PDSS2: variants seen among roughly 807,000 people sequenced by gnomAD.
The protein encoded by PDSS2 is decaprenyl diphosphate synthase subunit 2.
In PDSS2, 31 loss-of-function variants were observed where a neutral mutation model predicts 44.5. The observed-to-expected ratio is 0.70, with a 90% CI of 0.52 to 0.94. PDSS2 has a LOEUF of 0.94. Ranked by LOEUF, PDSS2 falls within the 40% of genes least tolerant of loss-of-function variation. PDSS2 has a pLI of 0.00. For missense variants in PDSS2, 452 were observed against 482.2 expected, an observed-to-expected ratio of 0.94 and a Z score of 0.59; for synonymous variants, 157 against 180.3, an observed-to-expected ratio of 0.87 and a Z score of 1.03.
At chr6:107,391,895 T>C (rs982296254) in intron 1 of PDSS2, among the ~76,000 whole-genome samples, 6 of 98,694 alleles carry the variant, frequency 6.1e-5, no homozygotes, top group African/African-American at 1.7e-4. Flanking sequence ...AGTACAAAAA[T>C]AAAAGGGGGG....
intron 1 of PDSS2, among the ~76,000 whole-genome samples, chr6:107,381,391 A>G (rs558372747): frequency 2.6e-4 from 39 of 152,310 alleles, no homozygotes; most frequent in African/African-American, 9.1e-4. Context: ...GCAACAGAAA[A>G]CTGGCTCATC....
intron 1 of PDSS2, among the ~76,000 whole-genome samples, chr6:107,350,663 A>G (rs1252084515): frequency 6.6e-6 from 1 of 152,134 alleles, no homozygotes; most frequent in Admixed American, 6.5e-5. Flanking sequence ...TGTGAAAATT[A>G]GCTGGGCATG....
At chr6:107,186,448 C>CA (rs1451524766) in intron 7 of PDSS2, among the ~76,000 whole-genome samples, 1 of 151,972 alleles carries the variant, frequency 6.6e-6, no homozygotes, top group Admixed American at 6.6e-5. Flanking sequence ...CATAAAGCCA[C>CA]AGAGTGCATG....
intron 1 of PDSS2, among the ~76,000 whole-genome samples, chr6:107,376,696 G>A (rs1228106066): frequency 4.6e-5 from 7 of 151,866 alleles, no homozygotes; most frequent in South Asian, 4.2e-4. Flanking sequence ...CAATCATGTC[G>A]TCTGCAAACA....
intron 1 of PDSS2, among the ~76,000 whole-genome samples, chr6:107,424,681 G>A (rs1780933875): frequency 1.3e-5 from 2 of 152,064 alleles, no homozygotes; most frequent in South Asian, 4.1e-4. Flanking sequence ...TGTGAAAAGA[G>A]AATAAAATGA....
intron 4 of PDSS2, among the ~76,000 whole-genome samples, chr6:107,214,993 G>A (rs1261833663): frequency 6.6e-6 from 1 of 152,134 alleles, no homozygotes; most frequent in Non-Finnish European, 1.5e-5. Context: ...ATGCAACACA[G>A]CATTGGATAA....
chr6:107,320,016 A>G (rs930648425), intron 2 of PDSS2, among the ~76,000 whole-genome samples: 1 of 152,242 alleles, frequency 6.6e-6, no homozygotes, highest in African/African-American at 2.4e-5. Context: ...AAAACAAGTA[A>G]CAAAGAGGAG....
intron 4 of PDSS2, among the ~76,000 whole-genome samples, chr6:107,223,533 TC>T (rs1773688085): frequency 6.6e-6 from 1 of 150,618 alleles, no homozygotes; most frequent in African/African-American, 2.5e-5. Flanking sequence ...AGACTCCATC[TC>T]AAAAAACAAA....
intron 1 of PDSS2, among the ~76,000 whole-genome samples, chr6:107,360,471 C>T (rs1778735895): frequency 6.6e-6 from 1 of 152,152 alleles, no homozygotes; most frequent in African/African-American, 2.4e-5. Flanking sequence ...GGCTTGGGAT[C>T]AAATTTAAAA....
chr6:107,311,195 C>CT (rs35780982), intron 2 of PDSS2, among the ~76,000 whole-genome samples: 71,624 of 128,246 alleles, frequency 0.56, 21,138 homozygotes, highest in Middle Eastern at 0.71. Flanking sequence ...CCACAACCAG[C>CT]TTTTTTTTTT....
chr6:107,320,331 T>C (rs1777343768), intron 2 of PDSS2, among the ~76,000 whole-genome samples: 1 of 152,210 alleles, frequency 6.6e-6, no homozygotes, highest in Non-Finnish European at 1.5e-5. Flanking sequence ...TCCATATTAT[T>C]ACAGGATACA....
In PDSS2 at chr6:107,403,289, C is replaced by A. The variant is rs186052394; in HGVS notation, c.296+55701G>T. 2.6e-5 allele frequency among the ~76,000 whole-genome samples: 4 copies of A among 152,332 alleles called. No homozygotes were observed. The East Asian group carries it at 7.7e-4, about 29-fold the overall frequency. ...GACTCCATGTCTCACATCCAGGTCA[C>A]GCTGATATAAGAGGTAGGCTCCCAC... On this transcript the variant is annotated intron_variant, in intron 1 of 7. Transcript: ENST00000369037.
At chr6:107,437,559 T>C (rs1204190560) in intron 1 of PDSS2, among the ~76,000 whole-genome samples, 2 of 150,238 alleles carry the variant, frequency 1.3e-5, no homozygotes, top group Non-Finnish European at 1.5e-5. Context: ...AAATTTACAG[T>C]CGTGCCTTGT....
chr6:107,357,703 G>A (rs1329088823), intron 1 of PDSS2, among the ~76,000 whole-genome samples: 4 of 151,986 alleles, frequency 2.6e-5, no homozygotes, highest in Admixed American at 1.3e-4. Flanking sequence ...TACTTATTTT[G>A]AAAAACTGAG....
chr6:107,258,431 T>C (rs913307872), intron 3 of PDSS2, among the ~76,000 whole-genome samples: 41 of 151,004 alleles, frequency 2.7e-4, no homozygotes, highest in East Asian at 1.2e-3. Context: ...ATCTAAGAGA[T>C]GGACATGATG....
At chr6:107,342,650 T>C (rs986952325) in intron 1 of PDSS2, among the ~76,000 whole-genome samples, 3 of 152,148 alleles carry the variant, frequency 2.0e-5, no homozygotes, top group African/African-American at 7.2e-5. Flanking sequence ...GAAAGAAAGC[T>C]GCCCTCACTC....
intron 4 of PDSS2, among the ~76,000 whole-genome samples, chr6:107,227,278 C>CCTTT (rs1773861831): frequency 9.7e-6 from 1 of 102,812 alleles, no homozygotes; most frequent in Non-Finnish European, 2.0e-5. Context: ...CCACTGTGCC[C>CCTTT]TTTTTTTTTT....
chr6:107,355,843 C>T (rs1778583059), intron 1 of PDSS2, among the ~76,000 whole-genome samples: 2 of 152,204 alleles, frequency 1.3e-5, no homozygotes, highest in Non-Finnish European at 2.9e-5. Context: ...GGCAGGATTT[C>T]TGGGAGCGGG....
intron 1 of PDSS2, among the ~76,000 whole-genome samples, chr6:107,439,076 G>A (rs1018724439): frequency 1.3e-5 from 2 of 152,160 alleles, no homozygotes; most frequent in Non-Finnish European, 2.9e-5. Context: ...ATAGTGAAAT[G>A]TTATTATGAG....
Sources: gnomAD v4.1 joint callset for allele counts (sites outside exome capture counted in the v4.1 genomes callset) on GRCh38, gnomAD v4.1.1 for gene constraint, MANE v1.5 for transcripts, NCBI Gene and HGNC (gene_info 2026-07-23, HGNC 2026-07-21) for gene names.